The following UBE3A variants were observed in gnomAD, a reference collection of about 807,000 sequenced individuals.
UBE3A encodes ubiquitin protein ligase E3A.
Under a neutral mutation model 83.4 loss-of-function variants are expected in UBE3A, and 6 were observed. The ratio of observed to expected loss-of-function variants is 0.07; its 90% CI spans 0.04 to 0.14. UBE3A has a LOEUF of 0.14. Ranked by LOEUF, UBE3A falls within the 10% of genes least tolerant of loss-of-function variation. UBE3A has a pLI of 1.00. For synonymous variants in UBE3A, 337 were observed against 355.4 expected (o/e 0.95, Z 0.58); for missense variants, 456 against 1,036.1 (o/e 0.44, Z 7.69).
intron 6 of UBE3A, among the ~76,000 whole-genome samples, chr15:25,365,897 T>C (rs1420861177): frequency 6.6e-6 from 1 of 152,214 alleles, no homozygotes; most frequent in Non-Finnish European, 1.5e-5. Flanking sequence ...AAGTCTGTTA[T>C]ATCTCAAATG....
intron 6 of UBE3A, among the ~76,000 whole-genome samples, chr15:25,366,298 C>T (rs1158706644): frequency 6.6e-6 from 1 of 152,168 alleles, no homozygotes; most frequent in Non-Finnish European, 1.5e-5. Context: ...AGAATAATCT[C>T]ATTTTTAAAG....
intron 8 of UBE3A, among the ~76,000 whole-genome samples, 156 bp downstream of exon 8, chr15:25,356,535 T>C (rs1288538814): frequency 6.6e-6 from 1 of 152,236 alleles, no homozygotes; most frequent in Non-Finnish European, 1.5e-5. Context: ...TTTTTAAGTG[T>C]TTCTGGTACT....
Position 25,438,601 on chromosome 15 carries a change from G to T in UBE3A, c.-277C>A. ...TTCTCTTTCGCTGCCGCCACCGCCG[G>T]GGCTCATGCGGGACCCGCGCTTCCT... On this transcript the variant is annotated 5_prime_UTR_variant, in exon 1 of 13. Transcript: ENST00000648336. The T allele has an allele frequency of 6.5e-6, 1 of 153,204 alleles. No individual in the cohort carries two copies. The highest frequency in any genetic ancestry group is 1.8e-4 in the South Asian group (1 of 5,480). The allele number at this position is 153,204 out of a possible 1,614,324, so 9.5% of individuals were successfully genotyped here. A position where few individuals can be genotyped will look rare whatever the true frequency, so the allele number is the denominator to read the frequency against.
chr15:25,365,747 A>T (rs1284395405), intron 6 of UBE3A, among the ~76,000 whole-genome samples: 4 of 73,344 alleles, frequency 5.5e-5, no homozygotes, highest in Non-Finnish European at 7.6e-5. Context: ...GACTCCGTCT[A>T]AAAAAAAAAA....
In UBE3A at chr15:25,356,850, T is replaced by C. The variant is rs754664908; in HGVS notation, c.1800A>G (p.Pro600=). 2.5e-6 allele frequency: 4 copies of C among 1,613,784 alleles called. No homozygotes were observed. Among genetic ancestry groups the C allele is most frequent in the South Asian group, 2.2e-5 (2 of 91,074 alleles). ...ACTGACCCTCAGTTTCAAAAGAAGA[T>C]GGATTAAACCAAAACAATTTTGTAG... is the stretch of plus-strand genomic sequence containing the variant. The part of the protein sequence containing the change: ...DESTKLFWFN[P]SSFETEGQFT... Residue 600 remains proline (P), a synonymous_variant, in exon 8 of 13, where the codon CCA becomes CCG. Transcript: ENST00000648336.
intron 1 of UBE3A, among the ~76,000 whole-genome samples, chr15:25,426,383 G>C (rs559703748): frequency 7.7e-4 from 117 of 152,278 alleles, no homozygotes; most frequent in African/African-American, 2.7e-3. Context: ...TTTTTACACT[G>C]TAATTAGAGT....
chr15:25,377,829 C>A (rs1468582541), intron 4 of UBE3A, among the ~76,000 whole-genome samples: 1 of 152,028 alleles, frequency 6.6e-6, no homozygotes, highest in Non-Finnish European at 1.5e-5. Flanking sequence ...AAAATAAAAA[C>A]TATCAAGATT....
chr15:25,405,518 G>A lies in UBE3A; in HGVS notation c.21-16C>T. On this transcript the variant is annotated splice_polypyrimidine_tract_variant and intron_variant, in intron 3 of 12. Transcript: ENST00000648336. ...TTCTCCTGATCTGTAAAATGCAATT[G>A]AGAAACAGTTAGCAAAATATTCCAT... 1 of 1,613,470 alleles carries A rather than the reference G, an allele frequency of 6.2e-7. No individual in the cohort carries two copies. The highest frequency in any genetic ancestry group is 8.5e-7 in the Non-Finnish European group (1 of 1,179,716).
At chr15:25,378,995 T>C (rs1169909799) in intron 4 of UBE3A, among the ~76,000 whole-genome samples, 1 of 152,192 alleles carries the variant, frequency 6.6e-6, no homozygotes, top group Non-Finnish European at 1.5e-5. Context: ...GAGCTCGCAT[T>C]CTGAGGCCAG....
chr15:25,369,293 C>A (rs1239085095), intron 6 of UBE3A, among the ~76,000 whole-genome samples: 1 of 151,152 alleles, frequency 6.6e-6, no homozygotes, highest in African/African-American at 2.4e-5. Context: ...TAGAAAACCA[C>A]CTGAGTTGCT....
At chr15:25,360,330 T>G in intron 7 of UBE3A, 53 bp downstream of exon 7, 1 of 1,608,196 alleles carries the variant, frequency 6.2e-7, no homozygotes, top group Non-Finnish European at 8.5e-7. Context: ...GATAAACAAA[T>G]AACTAACTCA....
chr15:25,337,603 A>G lies in UBE3A; in HGVS notation c.*1534T>C, dbSNP rs576326098. On this transcript the variant is annotated 3_prime_UTR_variant, in exon 13 of 13. Coordinates refer to ENST00000648336, the MANE Select transcript of UBE3A (RefSeq NM_130839.5). ...GAAAGACATCCTTTTTCTCCCCCCAATGATTTGAAAGCTGCATTTTTCCTG... is the reference window on the plus strand; with the variant it reads ...GAAAGACATCCTTTTTCTCCCCCCAGTGATTTGAAAGCTGCATTTTTCCTG... The G allele has an allele frequency of 2.0e-5, 3 of 152,236 alleles. No individual in the cohort carries two copies. The highest frequency in any genetic ancestry group is 1.9e-4 in the East Asian group (1 of 5,182). The allele number at this position is 152,236 out of a possible 1,614,324, so 9.4% of individuals were successfully genotyped here.
chr15:25,423,933 C>G (rs1253569079), intron 1 of UBE3A, among the ~76,000 whole-genome samples: 1 of 152,148 alleles, frequency 6.6e-6, no homozygotes, highest in Non-Finnish European at 1.5e-5. Flanking sequence ...TCTCACCACC[C>G]TCACTGTGAC....
At chr15:25,367,287 T>C (rs1161205140) in intron 6 of UBE3A, among the ~76,000 whole-genome samples, 1 of 131,244 alleles carries the variant, frequency 7.6e-6, no homozygotes, top group Non-Finnish European at 1.7e-5. Flanking sequence ...ATATTTAAAT[T>C]AAATTAATTT....
intron 4 of UBE3A, among the ~76,000 whole-genome samples, chr15:25,399,678 C>G (rs977133524): frequency 4.6e-5 from 7 of 152,126 alleles, no homozygotes; most frequent in African/African-American, 1.7e-4. Flanking sequence ...AAGCAATCCT[C>G]CTTCTTCAGC....
chr15:25,384,629 T>C (rs190459489), intron 4 of UBE3A, among the ~76,000 whole-genome samples: 1 of 150,934 alleles, frequency 6.6e-6, no homozygotes, highest in African/African-American at 2.4e-5. Context: ...CCTATCAAAA[T>C]CCCAATGGCA....
At chr15:25,354,015 T>C in intron 11 of UBE3A, 1 of 357,136 alleles carries the variant, frequency 2.8e-6, no homozygotes, top group Non-Finnish European at 5.2e-6. Context: ...AAATGCAGAG[T>C]TCAAAAGAAA....
intron 2 of UBE3A, among the ~76,000 whole-genome samples, chr15:25,411,407 C>A (rs144548866): frequency 6.6e-6 from 1 of 151,858 alleles, no homozygotes; most frequent in African/African-American, 2.4e-5. Context: ...CTGGCCAACA[C>A]GGTGAAACCC....
chr15:25,354,721 T>A (rs2076984636), intron 9 of UBE3A, 38 bp from the exon 10 acceptor site: 18 of 1,583,096 alleles, frequency 1.1e-5, no homozygotes, highest in Non-Finnish European at 1.6e-5. Context: ...TCTTATAATA[T>A]GCTATGCAAA....
Sources: gnomAD v4.1 joint callset for allele counts (sites outside exome capture counted in the v4.1 genomes callset) on GRCh38, gnomAD v4.1.1 for gene constraint, MANE v1.5 for transcripts, NCBI Gene and HGNC (gene_info 2026-07-23, HGNC 2026-07-21) for gene names.